The following ERC2 variants were observed in gnomAD, a reference collection of about 807,000 sequenced individuals.
ERC2 encodes ERC protein 2.
In ERC2, 42 loss-of-function variants were observed where a neutral mutation model predicts 114.8. The observed-to-expected ratio is 0.37, with a 90% CI of 0.29 to 0.47. The LOEUF (loss-of-function observed/expected upper bound fraction) is 0.47. ERC2 is among the 20% of genes least tolerant of loss of function. ERC2 has a pLI of 0.99. For missense variants in ERC2, 939 were observed against 1,150.7 expected, an observed-to-expected ratio of 0.82 and a Z score of 2.66; for synonymous variants, 454 against 425.5, an observed-to-expected ratio of 1.07 and a Z score of -0.82.
At chr3:56,160,409 T>C (rs2081983139) in intron 4 of ERC2, among the ~76,000 whole-genome samples, 1 of 152,198 alleles carries the variant, frequency 6.6e-6, no homozygotes, top group East Asian at 1.9e-4. Context: ...GCAAATATTT[T>C]CTCCCATTCT....
chr3:56,119,487 T>C (rs1229377135), intron 6 of ERC2, among the ~76,000 whole-genome samples: 1 of 152,236 alleles, frequency 6.6e-6, no homozygotes, highest in African/African-American at 2.4e-5. Flanking sequence ...CCAACTCATC[T>C]TTCAGATCAC....
At chr3:56,115,505 T>C (rs9311597) in intron 6 of ERC2, among the ~76,000 whole-genome samples, 4,877 of 152,182 alleles carry the variant, frequency 0.032, 200 homozygotes, top group African/African-American at 0.091. Flanking sequence ...GAAGCTACCC[T>C]TACCCTAGGG....
chr3:56,438,983 C>T (rs2062158659), intron 1 of ERC2, among the ~76,000 whole-genome samples: 1 of 152,150 alleles, frequency 6.6e-6, no homozygotes, highest in African/African-American at 2.4e-5. Context: ...ATATATGTTG[C>T]CACTGGCCCA....
At chr3:55,854,904 G>C (rs980163362) in intron 14 of ERC2, among the ~76,000 whole-genome samples, 1 of 152,056 alleles carries the variant, frequency 6.6e-6, no homozygotes, top group African/African-American at 2.4e-5. Context: ...TTAACAGAGA[G>C]CTCCTCCCCG....
chr3:56,295,525 T>C (rs953205277), intron 3 of ERC2, among the ~76,000 whole-genome samples: 3 of 152,232 alleles, frequency 2.0e-5, no homozygotes, highest in Admixed American at 1.3e-4. Flanking sequence ...ACAAAAATTA[T>C]CTTAACCCTA....
chr3:56,114,296 T>C (rs1255615857), intron 6 of ERC2, among the ~76,000 whole-genome samples: 1 of 152,208 alleles, frequency 6.6e-6, no homozygotes, highest in African/African-American at 2.4e-5. Flanking sequence ...GTAGCCTCTA[T>C]AAACCAGCCA....
At chr3:56,387,335 T>A (rs998555232) in intron 2 of ERC2, among the ~76,000 whole-genome samples, 1 of 152,182 alleles carries the variant, frequency 6.6e-6, no homozygotes, top group East Asian at 1.9e-4. Flanking sequence ...TAATTCTGCA[T>A]AATCCTCAAG....
rs1460953675 is a variant in ERC2, at chr3:56,170,756, C to T, written c.1149+2690G>A. 8.6e-5 allele frequency among the ~76,000 whole-genome samples: 10 copies of T among 116,358 alleles called. No individual in the cohort carries two copies. The Admixed American group carries it at 1.0e-3, about 12-fold the overall frequency. 76.3% of individuals were successfully genotyped at this position (116,358 alleles called of 152,430 possible). ...GGATTACAGCTGCCCGCCACCACAC[C>T]TGGCTAATTTTTTTTTTTTTTTTTC... On this transcript the variant is annotated intron_variant, in intron 4 of 17. Coordinates refer to ENST00000288221, the MANE Select transcript of ERC2 (RefSeq NM_015576.3).
Position 55,979,377 on chromosome 3 carries a change from A to G in ERC2, c.2267+6600T>C, listed in dbSNP as rs373013671. ...AAAAGGGATTTTTCCCAGGACCTAAAGTAAAAATTTGCCAAGCAATTCTAT... is the reference window on the plus strand; with the variant it reads ...AAAAGGGATTTTTCCCAGGACCTAAGGTAAAAATTTGCCAAGCAATTCTAT... On this transcript the variant is annotated intron_variant, in intron 12 of 17. Coordinates refer to ENST00000288221, the MANE Select transcript of ERC2 (RefSeq NM_015576.3). Among the ~76,000 whole-genome samples, 57 of 152,304 alleles carry G rather than the reference A, an allele frequency of 3.7e-4. 1 individual carries two copies. In the South Asian group the frequency reaches 0.011, roughly 30 times the overall value.
chr3:55,763,157 G>A (rs917097943), intron 14 of ERC2, among the ~76,000 whole-genome samples: 1 of 152,234 alleles, frequency 6.6e-6, no homozygotes, highest in South Asian at 2.1e-4. Flanking sequence ...AATGCTCAAA[G>A]CATAGAGCTT....
At chr3:56,420,571 C>T (rs1268975866) in intron 2 of ERC2, among the ~76,000 whole-genome samples, 1 of 151,856 alleles carries the variant, frequency 6.6e-6, no homozygotes, top group Non-Finnish European at 1.5e-5. Context: ...ACTTTGGAGA[C>T]CAAAGTCTCC....
intron 5 of ERC2, 59 bp from the exon 6 acceptor site, chr3:56,139,735 T>C: frequency 6.7e-7 from 1 of 1,500,480 alleles, no homozygotes; most frequent in Non-Finnish European, 9.0e-7. Context: ...CACTTTACAT[T>C]GGACAACTAC....
In ERC2 at chr3:55,784,909, A is replaced by G. The variant is rs570024003; in HGVS notation, c.2565-49991T>C. Among the ~76,000 whole-genome samples the G allele has an allele frequency of 2.3e-4, 35 of 152,316 alleles. No individual in the cohort carries two copies. In the South Asian group the frequency reaches 6.8e-3, roughly 30 times the overall value. The stretch of plus-strand genomic sequence containing the variant: ...TGCTCATTTATGCATCCATTATATT[A>G]CTTACCCCCTAATATGTGTGGTAAT... On this transcript the variant is annotated intron_variant, in intron 14 of 17. Coordinates refer to ENST00000288221, the MANE Select transcript of ERC2 (RefSeq NM_015576.3).
At chr3:56,032,977 G>GAAAGAGAAAGAAAGAAAGAAAGAA (rs767054115) in intron 7 of ERC2, among the ~76,000 whole-genome samples, 1 of 45,438 alleles carries the variant, frequency 2.2e-5, no homozygotes, top group African/African-American at 6.9e-5. Flanking sequence ...AAGAAAGAAA[G>GAAAGAGAAAGAAAGAAAGAAAGAA]AGAAAGAAAG....
chr3:56,210,987 G>A (rs185423072), intron 3 of ERC2, among the ~76,000 whole-genome samples: 2 of 152,168 alleles, frequency 1.3e-5, no homozygotes, highest in Admixed American at 6.5e-5. Flanking sequence ...GGTTCTTAGG[G>A]GATGAAAACA....
chr3:56,048,423 A>G (rs1205200486), intron 7 of ERC2, among the ~76,000 whole-genome samples: 2 of 152,152 alleles, frequency 1.3e-5, no homozygotes, highest in Non-Finnish European at 2.9e-5. Flanking sequence ...TTTGTTAAAA[A>G]CCATAGTCAT....
At chr3:56,162,735 C>A (rs185421643) in intron 4 of ERC2, among the ~76,000 whole-genome samples, 2 of 152,140 alleles carry the variant, frequency 1.3e-5, no homozygotes, top group East Asian at 3.9e-4. Context: ...TCACCTTTGT[C>A]ATTTCTGATT....
At position 55,647,546 on chromosome 3, in the gene ERC2, A is replaced by T. The variant is rs2060447073; in HGVS notation, c.*39+36248T>A. On this transcript the variant is annotated intron_variant, in intron 17 of 17. Transcript: ENST00000288221. ...CCCTGGCTTTCTGTGTTCTGCAGGG[A>T]TACAAGTGTGCTCTGAGCCAAGGAA... 2.6e-5 allele frequency among the ~76,000 whole-genome samples: 4 copies of T among 152,204 alleles called. No individual in the cohort carries two copies. The South Asian group carries it at 8.3e-4, about 31-fold the overall frequency.
chr3:56,181,210 G>T (rs780357991), intron 3 of ERC2, among the ~76,000 whole-genome samples: 6 of 152,072 alleles, frequency 3.9e-5, no homozygotes, highest in Non-Finnish European at 7.4e-5. Context: ...TGTGTTTTAG[G>T]TATCTTAAAT....
Sources: gnomAD v4.1 joint callset for allele counts (sites outside exome capture counted in the v4.1 genomes callset) on GRCh38, gnomAD v4.1.1 for gene constraint, MANE v1.5 for transcripts, NCBI Gene and HGNC (gene_info 2026-07-23, HGNC 2026-07-21) for gene names.